TPST1: variants seen among roughly 807,000 people sequenced by gnomAD.
TPST1 encodes the protein tyrosylprotein sulfotransferase 1.
In TPST1, 20 loss-of-function variants were observed where a neutral mutation model predicts 34.8. The observed-to-expected ratio is 0.57, with a 90% CI of 0.40 to 0.84. TPST1 has a LOEUF of 0.84. TPST1 is among the 40% of genes least tolerant of loss of function. The pLI is 0.00. For synonymous variants in TPST1, 152 were observed against 159.4 expected, an observed-to-expected ratio of 0.95 and a Z score of 0.35; for missense variants, 353 against 455.5, an observed-to-expected ratio of 0.78 and a Z score of 2.05.
At chr7:66,277,887 G>A (rs1187795398) in intron 2 of TPST1, among the ~76,000 whole-genome samples, 1 of 152,008 alleles carries the variant, frequency 6.6e-6, no homozygotes, top group Non-Finnish European at 1.5e-5. Context: ...ATCACTTGAG[G>A]TCAGGAGTTT....
At chr7:66,279,997 A>G (rs1387395098) in intron 2 of TPST1, among the ~76,000 whole-genome samples, 2 of 152,238 alleles carry the variant, frequency 1.3e-5, no homozygotes, top group African/African-American at 4.8e-5. Context: ...GGAAAACGGA[A>G]TCAAACCAGC....
At chr7:66,204,372 T>C (rs936278919), upstream of TPST1, among the ~76,000 whole-genome samples, 1 of 152,184 alleles carries the variant, frequency 6.6e-6, no homozygotes, top group African/African-American at 2.4e-5. Flanking sequence ...TCCGCCACCA[T>C]GCCCGGCTAA....
intron 2 of TPST1, among the ~76,000 whole-genome samples, chr7:66,265,110 C>A (rs893612421): frequency 3.9e-5 from 6 of 152,034 alleles, no homozygotes; most frequent in African/African-American, 1.2e-4. Flanking sequence ...TTGACTTTAT[C>A]TAATTTGAAG....
chr7:66,224,331 C>G (rs1789604856), intron 1 of TPST1, among the ~76,000 whole-genome samples: 1 of 152,152 alleles, frequency 6.6e-6, no homozygotes, highest in African/African-American at 2.4e-5. Flanking sequence ...AATGGAGAAA[C>G]CAGATACAGA....
chr7:66,282,541 A>T (rs1554348497), intron 2 of TPST1, among the ~76,000 whole-genome samples: 1 of 152,226 alleles, frequency 6.6e-6, no homozygotes, highest in African/African-American at 2.4e-5. Context: ...CATTATCCTC[A>T]GTCTCTTAGG....
At chr7:66,262,488 G>A (rs1280273383) in intron 2 of TPST1, among the ~76,000 whole-genome samples, 3 of 152,116 alleles carry the variant, frequency 2.0e-5, no homozygotes, top group Non-Finnish European at 4.4e-5. Flanking sequence ...GTCATCTTGT[G>A]TAGCAGTCTC....
intron 3 of TPST1, among the ~76,000 whole-genome samples, chr7:66,340,339 G>A (rs1288009285): frequency 6.6e-6 from 1 of 152,142 alleles, no homozygotes; most frequent in Non-Finnish European, 1.5e-5. Context: ...AACAGACAAG[G>A]ATGCCCACTC....
At chr7:66,320,135 G>A (rs1791720406) in intron 3 of TPST1, among the ~76,000 whole-genome samples, 1 of 151,982 alleles carries the variant, frequency 6.6e-6, no homozygotes, top group African/African-American at 2.4e-5. Context: ...TTGCTGAAAT[G>A]AATAATGAAC....
chr7:66,223,335 C>T (rs1382552389), intron 1 of TPST1, among the ~76,000 whole-genome samples: 1 of 151,372 alleles, frequency 6.6e-6, no homozygotes, highest in African/African-American at 2.4e-5. Context: ...GGTTTGCATG[C>T]CCCTGCAGTC....
At chr7:66,217,841 C>T (rs561318919) in intron 1 of TPST1, among the ~76,000 whole-genome samples, 37 of 151,684 alleles carry the variant, frequency 2.4e-4, no homozygotes, top group Admixed American at 5.9e-4. Context: ...GCCTCGGCCT[C>T]GCAGAGTGCT....
At chr7:66,241,416 G>A (rs2116411299) in intron 2 of TPST1, 146 bp downstream of exon 2, 1 of 928,628 alleles carries the variant, frequency 1.1e-6, no homozygotes. Flanking sequence ...AACAGATACA[G>A]CTTCATTGAT....
chr7:66,238,426 T>C (rs1268162085), intron 1 of TPST1, among the ~76,000 whole-genome samples: 1 of 143,896 alleles, frequency 6.9e-6, no homozygotes, highest in Non-Finnish European at 1.6e-5. Flanking sequence ...TTTTTTTTTT[T>C]AGCTTTTAAT....
chr7:66,336,422 A>G (rs1370580073), intron 3 of TPST1, among the ~76,000 whole-genome samples: 1 of 152,232 alleles, frequency 6.6e-6, no homozygotes, highest in Non-Finnish European at 1.5e-5. Context: ...AATAGAAACA[A>G]GAAAACAAAT....
chr7:66,240,567 A>G lies in TPST1; in HGVS notation c.142A>G (p.Arg48Gly), dbSNP rs746388590. The G allele has an allele frequency of 2.5e-6, 4 of 1,614,090 alleles. No individual in the cohort carries two copies. In the African/African-American group the frequency reaches 4.0e-5, roughly 16 times the overall value. Residue 48 changes from arginine to glycine, a missense_variant, in exon 2 of 6, where the codon AGG becomes GGG. Physicochemically the swap from Arg to Gly is moderately radical, Grantham distance 125 (BLOSUM62 -2). Coordinates refer to ENST00000304842, the MANE Select transcript of TPST1 (RefSeq NM_003596.4). Reference sequence around the variant, plus strand: ...CCAGCCAGTCAAATTGGAGAGCACAAGGACCACTGTGAGAACTGGCCTGGA... The same window carrying G: ...CCAGCCAGTCAAATTGGAGAGCACAGGGACCACTGTGAGAACTGGCCTGGA... ...RSQPVKLEST[R>G]TTVRTGLDLK...
intron 3 of TPST1, among the ~76,000 whole-genome samples, chr7:66,315,803 C>G (rs1791620999): frequency 1.3e-5 from 2 of 151,270 alleles, no homozygotes; most frequent in Non-Finnish European, 2.9e-5. Context: ...TTCAATCAGG[C>G]AAGAATAACA....
Position 66,241,164 on chromosome 7 carries a change from G to C in TPST1, c.739G>C (p.Glu247Gln), listed in dbSNP as rs1036910448. The change falls in exon 2 of 6, where the codon GAA becomes CAA. Residue 247 changes from glutamate (E) to glutamine (Q), a missense_variant. Glu to Gln is a conservative substitution (Grantham distance 29). Transcript: ENST00000304842. ...CTATGAACAACTTGTCTTACATCCT[G>C]AACGGTGGATGAGAACACTCTTAAA... is the stretch of plus-strand genomic sequence containing the variant. ...VHYEQLVLHP[E>Q]RWMRTLLKFL... 6.2e-7 allele frequency: 1 copy of C among 1,614,060 alleles called. No individual in the cohort carries two copies. The highest frequency in any genetic ancestry group is 1.3e-5 in the African/African-American group (1 of 74,914).
chr7:66,296,732 G>A (rs1052594798), intron 3 of TPST1, among the ~76,000 whole-genome samples: 1 of 122,008 alleles, frequency 8.2e-6, no homozygotes. Context: ...GTAATATTGA[G>A]TCAGCACATT....
At chr7:66,245,703 C>T (rs1790133170) in intron 2 of TPST1, among the ~76,000 whole-genome samples, 2 of 152,152 alleles carry the variant, frequency 1.3e-5, no homozygotes, top group Non-Finnish European at 2.9e-5. Context: ...TCAATAGCCA[C>T]TTGAAATTCT....
chr7:66,293,980 A>G (rs984333468), intron 3 of TPST1, among the ~76,000 whole-genome samples: 7 of 152,214 alleles, frequency 4.6e-5, no homozygotes, highest in Admixed American at 6.5e-5. Flanking sequence ...AGTTGAGTCT[A>G]TTTCAAATCA....
Sources: gnomAD v4.1 joint callset for allele counts (sites outside exome capture counted in the v4.1 genomes callset) on GRCh38, gnomAD v4.1.1 for gene constraint, MANE v1.5 for transcripts, NCBI Gene and HGNC (gene_info 2026-07-23, HGNC 2026-07-21) for gene names.